Variants in CENPF observed in about 807,000 individuals in gnomAD.
CENPF encodes AH antigen.
In CENPF, 214 loss-of-function variants were observed where a neutral mutation model predicts 307.3. The observed-to-expected ratio is 0.70, with a 90% CI of 0.62 to 0.78. The LOEUF is 0.78. Ranked by LOEUF, CENPF falls within the 30% of genes least tolerant of loss-of-function variation. CENPF has a pLI of 0.00. For missense variants in CENPF, 3,401 were observed against 3,483.9 expected, an observed-to-expected ratio of 0.98 and a Z score of 0.60; for synonymous variants, 1,259 against 1,270.6, an observed-to-expected ratio of 0.99 and a Z score of 0.19.
At chr1:214,629,627 C>T (rs1234125190) in intron 8 of CENPF, among the ~76,000 whole-genome samples, 1 of 152,106 alleles carries the variant, frequency 6.6e-6, no homozygotes, top group Non-Finnish European at 1.5e-5. Context: ...TCTTGGCTCC[C>T]TGCAACCTCC....
chr1:214,621,056 C>G, intron 6 of CENPF, 110 bp downstream of exon 6: 1 of 935,506 alleles, frequency 1.1e-6, no homozygotes, highest in South Asian at 1.6e-5. Flanking sequence ...TTAGGCACAT[C>G]GGTGTTCAAC....
At chr1:214,638,836 C>T (rs1352698762) in intron 11 of CENPF, among the ~76,000 whole-genome samples, 1 of 152,180 alleles carries the variant, frequency 6.6e-6, no homozygotes, top group Non-Finnish European at 1.5e-5. Flanking sequence ...ACCCAATCTT[C>T]CCAAGACAGC....
intron 1 of CENPF, among the ~76,000 whole-genome samples, chr1:214,607,178 C>G (rs60944459): frequency 0.048 from 7,237 of 152,342 alleles, 238 homozygotes; most frequent in East Asian, 0.12. Context: ...GCCCTGTCAC[C>G]TGCTACCAGG....
chr1:214,604,293 C>T (rs1478912877), intron 1 of CENPF, among the ~76,000 whole-genome samples: 1 of 152,186 alleles, frequency 6.6e-6, no homozygotes, highest in African/African-American at 2.4e-5. Flanking sequence ...CTGGAAAGGA[C>T]AATAGTCCTG....
chr1:214,608,664 G>A (rs1186338982), intron 1 of CENPF: 10 of 1,600,456 alleles, frequency 6.2e-6, no homozygotes, highest in East Asian at 2.2e-5. Flanking sequence ...GTGCGCCCGA[G>A]GAGGCCCGCA....
intron 2 of CENPF, 101 bp downstream of exon 2, chr1:214,614,017 C>A (rs1657269000): frequency 8.7e-7 from 1 of 1,148,960 alleles, no homozygotes; most frequent in Non-Finnish European, 1.2e-6. Context: ...ATTATTTCAT[C>A]TTCTTTACAT....
chr1:214,657,544 C>G (rs894820392), intron 18 of CENPF, 135 bp downstream of exon 18: 9 of 665,586 alleles, frequency 1.4e-5, no homozygotes, highest in Non-Finnish European at 1.8e-5. Context: ...AAGCAATAGT[C>G]TGCTTTTAAA....
Position 214,641,189 on chromosome 1 carries a change from C to T in CENPF, c.2851C>T (p.Leu951=). 1 of 1,607,384 alleles carries T rather than the reference C, an allele frequency of 6.2e-7. No individual in the cohort carries two copies. The highest frequency in any genetic ancestry group is 8.5e-7 in the Non-Finnish European group (1 of 1,178,320). The stretch of plus-strand genomic sequence containing the variant: ...GGAGCTACAACTTTTATCCGAAACC[C>T]TAAGCTTGGAGAAGAAAGAAATGAG... ...LKELQLLSET[L]SLEKKEMSSI... is the part of the protein sequence containing the mutation. Residue 951 remains leucine, a synonymous_variant, in exon 12 of 20, where the codon CTA becomes TTA. Coordinates refer to ENST00000366955, the MANE Select transcript of CENPF (RefSeq NM_016343.4).
chr1:214,628,934 A>G (rs1657730426), intron 7 of CENPF, 112 bp from the exon 8 acceptor site: 1 of 755,920 alleles, frequency 1.3e-6, no homozygotes, highest in Non-Finnish European at 2.0e-6. Context: ...AATAGTTCCT[A>G]AACATAAATT....
chr1:214,616,827 CTTCCTTCCTCT>C (rs1558170756), intron 3 of CENPF, among the ~76,000 whole-genome samples: 8 of 144,386 alleles, frequency 5.5e-5, no homozygotes, highest in African/African-American at 1.8e-4. Flanking sequence ...TCCTTCTTTC[CTTCCTTCCTCT>C]TTCTTTCTTT....
intron 1 of CENPF, among the ~76,000 whole-genome samples, chr1:214,611,533 T>C (rs1657201033): frequency 6.6e-6 from 1 of 152,032 alleles, no homozygotes; most frequent in South Asian, 2.1e-4. Context: ...ACCCAGCTAA[T>C]CTTTGTATTT....
At chr1:214,634,124 T>C (rs1209859916) in intron 10 of CENPF, among the ~76,000 whole-genome samples, 1 of 152,220 alleles carries the variant, frequency 6.6e-6, no homozygotes, top group African/African-American at 2.4e-5. Flanking sequence ...TGTCCTCAGT[T>C]AATCCCAGCC....
chr1:214,608,810 A>G lies in CENPF; in HGVS notation c.-41-4904A>G, dbSNP rs564668373. ...GGGCAGGGCGGGCAGCAGAAGAGGCAGCAGAGCTCACTCAGCGACAGCCCG... is the reference window on the plus strand; with the variant it reads ...GGGCAGGGCGGGCAGCAGAAGAGGCGGCAGAGCTCACTCAGCGACAGCCCG... On this transcript the variant is annotated intron_variant, in intron 1 of 19. Transcript: ENST00000366955. The G allele has an allele frequency of 5.9e-4, 946 of 1,598,884 alleles. 7 individuals are homozygous for G. In the African/African-American group the frequency reaches 0.011, roughly 19 times the overall value.
intron 4 of CENPF, 82 bp from the exon 5 acceptor site, chr1:214,619,047 C>A: frequency 4.2e-6 from 3 of 722,164 alleles, no homozygotes; most frequent in Non-Finnish European, 7.1e-6. Context: ...CATTTCTAGA[C>A]TATCAAAATC....
In CENPF at chr1:214,637,996, T is replaced by C; in HGVS notation, c.1577T>C (p.Met526Thr). ...CAGAGCCAGAATTTTGCAGAAGAAA[T>C]GAAAGGTAAGTAAACTTAGTATTTT... Reference protein sequence around the residue: ...LNQSQNFAEEMKAKNTSQETM... With the variant: ...LNQSQNFAEETKAKNTSQETM... The change falls in exon 11 of 20, where the codon ATG becomes ACG. Residue 526 changes from methionine to threonine, a missense_variant. Met to Thr is a moderately conservative substitution (Grantham distance 81, BLOSUM62 -1). Transcript: ENST00000366955. The C allele has an allele frequency of 6.2e-7, 1 of 1,608,572 alleles. No homozygotes were observed. Among genetic ancestry groups the C allele is most frequent in the Non-Finnish European group, 8.5e-7 (1 of 1,178,758 alleles).
At chr1:214,608,518 G>C in intron 1 of CENPF, 1 of 1,611,986 alleles carries the variant, frequency 6.2e-7, no homozygotes, top group Admixed American at 1.7e-5. Context: ...CCTGGCACCA[G>C]TCACGCAGCG....
At chr1:214,627,661 C>G (rs962523733) in intron 7 of CENPF, among the ~76,000 whole-genome samples, 1 of 151,790 alleles carries the variant, frequency 6.6e-6, no homozygotes, top group African/African-American at 2.4e-5. Flanking sequence ...CAGGCGTGAG[C>G]CACTGCACCC....
At chr1:214,636,372 C>G (rs1657967489) in intron 10 of CENPF, among the ~76,000 whole-genome samples, 1 of 152,292 alleles carries the variant, frequency 6.6e-6, no homozygotes, top group East Asian at 1.9e-4. Context: ...GTTAGCCTAT[C>G]AATCTTGAGA....
intron 1 of CENPF, among the ~76,000 whole-genome samples, chr1:214,604,402 T>C (rs913510002): frequency 6.6e-6 from 1 of 152,216 alleles, no homozygotes; most frequent in Non-Finnish European, 1.5e-5. Context: ...ATTTTTTTGT[T>C]CTTTTGCCCC....
Sources: gnomAD v4.1 joint callset for allele counts (sites outside exome capture counted in the v4.1 genomes callset) on GRCh38, gnomAD v4.1.1 for gene constraint, MANE v1.5 for transcripts, NCBI Gene and HGNC (gene_info 2026-07-23, HGNC 2026-07-21) for gene names.